Variants in LDLRAD4 observed in about 807,000 individuals in gnomAD.
LDLRAD4 encodes low-density lipoprotein receptor class A domain-containing protein 4.
LDLRAD4 carries 5 observed loss-of-function variants against 17.0 expected under a neutral mutation model. The ratio of observed to expected loss-of-function variants is 0.29; its 90% CI spans 0.15 to 0.62. The LOEUF is 0.62. Ranked by LOEUF, LDLRAD4 falls within the 20% of genes least tolerant of loss-of-function variation. The pLI is 0.84. For missense variants in LDLRAD4, 340 were observed against 424.7 expected (o/e 0.80, Z 1.75); for synonymous variants, 168 against 171.8 (o/e 0.98, Z 0.17).
chr18:13,474,469 G>A (rs1379083469), intron 3 of LDLRAD4, among the ~76,000 whole-genome samples: 3 of 152,240 alleles, frequency 2.0e-5, no homozygotes, highest in Admixed American at 6.5e-5. Flanking sequence ...ACTGGGTGCA[G>A]ATCCAAGCCA....
intron 3 of LDLRAD4, among the ~76,000 whole-genome samples, chr18:13,447,697 CAAT>C (rs1171899972): frequency 2.0e-5 from 3 of 152,084 alleles, no homozygotes; most frequent in Non-Finnish European, 4.4e-5. Flanking sequence ...AGAATTGCAA[CAAT>C]GATAGTAATT....
intron 5 of LDLRAD4, chr18:13,644,867 T>C (rs767552821): frequency 6.5e-6 from 3 of 459,766 alleles, no homozygotes; most frequent in Non-Finnish European, 1.1e-5. Context: ...AGCCCAAGCT[T>C]TCCATTACCC....
chr18:13,295,272 C>A (rs2046208310), intron 1 of LDLRAD4, among the ~76,000 whole-genome samples: 1 of 152,198 alleles, frequency 6.6e-6, no homozygotes, highest in Admixed American at 6.5e-5. Context: ...ATGACATGCT[C>A]ACATCCTGGA....
intron 1 of LDLRAD4, among the ~76,000 whole-genome samples, chr18:13,263,081 G>A (rs2043997177): frequency 7.2e-6 from 1 of 138,618 alleles, no homozygotes; most frequent in Non-Finnish European, 1.6e-5. Context: ...TGGGGGCCGA[G>A]TCCCACGCTG....
intron 1 of LDLRAD4, among the ~76,000 whole-genome samples, chr18:13,379,856 C>G (rs889758699): frequency 6.6e-6 from 1 of 152,236 alleles, no homozygotes; most frequent in Admixed American, 6.5e-5. Flanking sequence ...ACTTGTTAGC[C>G]TATGGTCTGA....
At chr18:13,385,995 AT>A (rs1158584973) in intron 1 of LDLRAD4, among the ~76,000 whole-genome samples, 5 of 152,240 alleles carry the variant, frequency 3.3e-5, no homozygotes, top group Non-Finnish European at 7.3e-5. Context: ...AAAGTACTTC[AT>A]TAATTTATAA....
intron 1 of LDLRAD4, chr18:13,362,527 G>C (rs1458984719): frequency 6.6e-6 from 1 of 152,236 alleles, no homozygotes; most frequent in Non-Finnish European, 1.5e-5. Flanking sequence ...CAGCCATGCG[G>C]CCTTCAGATT....
At chr18:13,576,827 G>A (rs2094780614) in intron 3 of LDLRAD4, among the ~76,000 whole-genome samples, 1 of 152,264 alleles carries the variant, frequency 6.6e-6, no homozygotes, top group Admixed American at 6.5e-5. Flanking sequence ...GATGGCGACA[G>A]TGTGGCCATC....
At chr18:13,414,306 G>A (rs949133862) in intron 2 of LDLRAD4, among the ~76,000 whole-genome samples, 3 of 152,198 alleles carry the variant, frequency 2.0e-5, no homozygotes, top group East Asian at 3.9e-4. Flanking sequence ...CTTGGAGCCC[G>A]TTTCATCCTT....
At chr18:13,615,270 A>G (rs1309086664) in intron 3 of LDLRAD4, 3 of 152,218 alleles carry the variant, frequency 2.0e-5, no homozygotes, top group African/African-American at 7.2e-5. Flanking sequence ...AGGGGCCCAG[A>G]CCTTGCCCCC....
At chr18:13,624,283 C>G (rs2148837126) in intron 4 of LDLRAD4, among the ~76,000 whole-genome samples, 1 of 152,356 alleles carries the variant, frequency 6.6e-6, no homozygotes, top group East Asian at 1.9e-4. Context: ...GAGGCATCCA[C>G]AGAGCGGAGA....
chr18:13,625,068 G>C (rs2041007871), intron 4 of LDLRAD4, among the ~76,000 whole-genome samples: 1 of 152,210 alleles, frequency 6.6e-6, no homozygotes, highest in South Asian at 2.1e-4. Context: ...CCAGTCAGCA[G>C]CTGGGGTTGG....
At chr18:13,601,364 A>G (rs1024639571) in intron 3 of LDLRAD4, among the ~76,000 whole-genome samples, 3 of 152,218 alleles carry the variant, frequency 2.0e-5, no homozygotes, top group African/African-American at 7.2e-5. Flanking sequence ...ACCAACAAAC[A>G]TAGGAAAAAA....
intron 1 of LDLRAD4, among the ~76,000 whole-genome samples, chr18:13,364,523 G>A (rs1194531778): frequency 6.6e-6 from 1 of 151,956 alleles, no homozygotes; most frequent in African/African-American, 2.4e-5. Flanking sequence ...AAATTTTTTT[G>A]TGAAGACAGG....
intron 3 of LDLRAD4, among the ~76,000 whole-genome samples, chr18:13,537,108 G>C (rs1413941344): frequency 7.2e-5 from 11 of 152,214 alleles, no homozygotes; most frequent in African/African-American, 2.6e-4. Flanking sequence ...ATGTTTATCT[G>C]GTTTGGTATC....
At chr18:13,481,372 A>C (rs2093078248) in intron 3 of LDLRAD4, among the ~76,000 whole-genome samples, 1 of 152,198 alleles carries the variant, frequency 6.6e-6, no homozygotes, top group East Asian at 1.9e-4. Flanking sequence ...TCCTCTGGAC[A>C]GAAGGGGTGA....
chr18:13,635,707 A>G (rs2042016225), intron 4 of LDLRAD4, among the ~76,000 whole-genome samples: 1 of 152,244 alleles, frequency 6.6e-6, no homozygotes, highest in African/African-American at 2.4e-5. Context: ...CAAGCCTGCA[A>G]GATTTGGAAC....
intron 3 of LDLRAD4, chr18:13,519,590 G>A (rs368829161): frequency 1.5e-4 from 23 of 152,212 alleles, no homozygotes; most frequent in African/African-American, 5.5e-4. Flanking sequence ...GTGAAACCCC[G>A]GCCCTATTAA....
intron 4 of LDLRAD4, among the ~76,000 whole-genome samples, chr18:13,624,549 C>A (rs899828167): frequency 6.6e-6 from 1 of 152,194 alleles, no homozygotes; most frequent in Non-Finnish European, 1.5e-5. Flanking sequence ...TCTGGCTGGC[C>A]GATTGTGCCT....
Sources: allele counts gnomAD v4.1 joint callset (sites outside exome capture counted in the v4.1 genomes callset), GRCh38; gene constraint gnomAD v4.1.1; transcripts MANE v1.5; gene names NCBI Gene and HGNC (gene_info 2026-07-23, HGNC 2026-07-21).